KCNN1: variants seen among roughly 807,000 people sequenced by gnomAD.
The protein encoded by KCNN1 is potassium calcium-activated channel subfamily N member 1.
Under a neutral mutation model 44.7 loss-of-function variants are expected in KCNN1, and 20 were observed. The ratio of observed to expected loss-of-function variants is 0.45; its 90% confidence interval spans 0.32 to 0.65. The LOEUF (loss-of-function observed/expected upper bound fraction) is 0.65, where lower values mean the gene tolerates loss of function less well. Among genes scored for constraint, KCNN1 ranks in the 30% least tolerant of loss-of-function variants. The pLI is 0.05. For synonymous variants in KCNN1, 324 were observed against 341.7 expected, an observed-to-expected ratio of 0.95 and a Z score of 0.57; for missense variants, 632 against 785.3, an observed-to-expected ratio of 0.80 and a Z score of 2.33.
chr19:17,959,099 C>T (rs1030814178), intron 2 of KCNN1, among the ~76,000 whole-genome samples: 1 of 151,328 alleles, frequency 6.6e-6, no homozygotes, highest in Admixed American at 6.6e-5. Context: ...CTCACTACAA[C>T]CTCTGCTTCC....
upstream of KCNN1, among the ~76,000 whole-genome samples, chr19:17,964,013 T>C (rs2031742281): frequency 6.6e-6 from 1 of 152,188 alleles, no homozygotes; most frequent in Non-Finnish European, 1.5e-5. This position sits in a 1 kb window ranked among gnomAD's most constrained non-coding sequence, Gnocchi z 4.3. Flanking sequence ...CCCCCTCTTC[T>C]AGAAAGCCAG....
intron 5 of KCNN1, among the ~76,000 whole-genome samples, chr19:17,987,983 A>AACACAC (rs34814590): frequency 2.0e-5 from 3 of 148,010 alleles, no homozygotes; most frequent in African/African-American, 2.5e-5. Flanking sequence ...TTACTAAACA[A>AACACAC]ACACACACAC....
Position 17,998,222 on chromosome 19 carries a change from C to T in KCNN1, c.1448C>T (p.Ala483Val), listed in dbSNP as rs1163737498. The T allele has an allele frequency of 6.3e-6, 10 of 1,584,648 alleles. No individual in the cohort carries two copies. The highest frequency in any genetic ancestry group is 8.6e-6 in the Non-Finnish European group (10 of 1,167,006). The stretch of plus-strand genomic sequence containing the variant: ...CACGAGGAGCTGGAGGCCCGCCTGG[C>T]CACCCTGGAAAGCCGCTTGGATGCG... ...AQHEELEARL[A>V]TLESRLDALG... is the part of the protein sequence containing the mutation. Residue 483 changes from alanine (A) to valine (V), a missense_variant, in exon 10 of 10, where the codon GCC becomes GTC. Physicochemically the swap from Ala to Val is moderately conservative, Grantham distance 64. This residue lies in a region of KCNN1 where 237 missense variants were observed against 253.0 expected (regional missense o/e 0.94). Transcript: ENST00000684775. The surrounding 1 kb of genome is among the most constrained non-coding windows in gnomAD (Gnocchi z 5.4).
intron 1 of KCNN1, chr19:17,951,513 C>A (rs1417905849): frequency 1.3e-5 from 2 of 152,220 alleles, no homozygotes; most frequent in Non-Finnish European, 2.9e-5. Context: ...CCCTCCCATC[C>A]CCTACCGAGC....
rs2032167920 is a variant in KCNN1 at position 17,975,248 on chromosome 19, A to G, written c.498+61A>G. ...CTCAAACCCCAGATCCCCCCACACC[A>G]GCCCACCTTAGACCCCATCCCCTCA... On this transcript the variant is annotated intron_variant, in intron 3 of 9. Transcript: ENST00000684775. The G allele has an allele frequency of 5.8e-6, 7 of 1,214,574 alleles. No homozygotes were observed. In the South Asian group the frequency reaches 8.5e-5, roughly 15 times the overall value. The allele number at this position is 1,214,574 out of a possible 1,614,324, so 75.2% of individuals were successfully genotyped here.
At position 17,993,428 on chromosome 19, in the gene KCNN1, C is replaced by T. The variant is rs141588382; in HGVS notation, c.1308-62C>T. ...CCGGGTGGGTGCATGAAAGTCCCTG[C>T]CCCCACTGCAGCCTCCACGGGAACC... On this transcript the variant is annotated intron_variant, in intron 8 of 9. Coordinates refer to ENST00000684775, the MANE Select transcript of KCNN1 (RefSeq NM_001386974.1). This position sits in a 1 kb window ranked among gnomAD's most constrained non-coding sequence, Gnocchi z 4.5. The T allele has an allele frequency of 1.8e-3, 2,218 of 1,266,126 alleles. 17 individuals carry two copies. The African/African-American group carries it at 0.027, about 15-fold the overall frequency. The allele number at this position is 1,266,126 out of a possible 1,614,324, so 78.4% of individuals were successfully genotyped here. A position where few individuals can be genotyped will look rare whatever the true frequency, so the allele number is the denominator to read the frequency against.
chr19:17,985,263 G>C, intron 4 of KCNN1, 49 bp from the exon 5 acceptor site: 1 of 1,494,644 alleles, frequency 6.7e-7, no homozygotes, highest in Non-Finnish European at 9.0e-7. Context: ...TGGAGGCAAA[G>C]GGGATGGTAT....
rs2032873415 is a variant in KCNN1 at position 17,993,531 on chromosome 19, A to G, written c.1349A>G (p.Gln450Arg). 6.2e-7 allele frequency: 1 copy of G among 1,613,898 alleles called. No homozygotes were observed. Among genetic ancestry groups the G allele is most frequent in the Non-Finnish European group, 8.5e-7 (1 of 1,179,826 alleles). ...ATCGAGCAAGGGAAGCTGAACGACC[A>G]GGCTAACACGCTTACCGACCTAGCC... ...VKIEQGKLND[Q>R]ANTLTDLAKT... is the part of the protein sequence containing the mutation. The change falls in exon 9 of 10, where the codon CAG becomes CGG. Residue 450 changes from glutamine (Q) to arginine (R), a missense_variant. Around this residue, in one of 3 missense-constraint regions of KCNN1, gnomAD observed 237 missense variants for 253.0 expected, o/e 0.94. Transcript: ENST00000684775. This position sits in a 1 kb window ranked among gnomAD's most constrained non-coding sequence, Gnocchi z 4.5.
chr19:17,959,944 G>A (rs549322012), intron 2 of KCNN1, among the ~76,000 whole-genome samples: 95 of 151,984 alleles, frequency 6.3e-4, no homozygotes, highest in African/African-American at 2.0e-3. Flanking sequence ...TTAGCCGAGC[G>A]TGATGGTGGG....
At chr19:17,965,314 C>G (rs1323506470), upstream of KCNN1, among the ~76,000 whole-genome samples, 6 of 151,930 alleles carry the variant, frequency 3.9e-5, no homozygotes, top group East Asian at 1.2e-3. Context: ...GATGCTACAG[C>G]CTGTGCAAGC....
At chr19:17,970,937 G>T (rs2031999567) in intron 1 of KCNN1, among the ~76,000 whole-genome samples, 1 of 151,086 alleles carries the variant, frequency 6.6e-6, no homozygotes, top group Non-Finnish European at 1.5e-5. Context: ...AGGCTGGAGT[G>T]CAGTGGCGTG....
chr19:17,980,332 C>T (rs1196656837), intron 3 of KCNN1, among the ~76,000 whole-genome samples: 1 of 146,200 alleles, frequency 6.8e-6, no homozygotes, highest in East Asian at 2.0e-4. Context: ...AAGCAGTCCT[C>T]CTGCCTCCCA....
intron 1 of KCNN1, 30 bp from the exon 2 acceptor site, chr19:17,973,778 C>G: frequency 6.8e-7 from 1 of 1,477,656 alleles, no homozygotes; most frequent in Non-Finnish European, 8.9e-7. Context: ...CTGGACCCTG[C>G]TGTGACCATG....
At chr19:17,957,200 G>A (rs545786479) in intron 2 of KCNN1, among the ~76,000 whole-genome samples, 3 of 108,088 alleles carry the variant, frequency 2.8e-5, no homozygotes, top group East Asian at 3.3e-4. Flanking sequence ...GGAGGAGAGG[G>A]GAGGAGAGGA....
chr19:17,970,173 A>G (rs957732097), intron 1 of KCNN1, among the ~76,000 whole-genome samples: 3 of 151,360 alleles, frequency 2.0e-5, no homozygotes, highest in Non-Finnish European at 4.4e-5. Flanking sequence ...CAGGCCTTAC[A>G]AGCTGTGAGG....
At chr19:17,992,877 C>A (rs2032843947) in intron 7 of KCNN1, among the ~76,000 whole-genome samples, 177 bp from the exon 8 acceptor site, 1 of 152,218 alleles carries the variant, frequency 6.6e-6, no homozygotes, top group Non-Finnish European at 1.5e-5. Context: ...GGCACAGAAC[C>A]CTCAGAGGCT....
chr19:17,977,215 G>A (rs1044822852), intron 3 of KCNN1, among the ~76,000 whole-genome samples: 3 of 152,110 alleles, frequency 2.0e-5, no homozygotes, highest in Admixed American at 6.6e-5. Flanking sequence ...TAGGAGATGT[G>A]TCACTCCAAT....
At chr19:17,954,249 G>A (rs2031488004) in intron 1 of KCNN1, among the ~76,000 whole-genome samples, 1 of 152,132 alleles carries the variant, frequency 6.6e-6, no homozygotes, top group African/African-American at 2.4e-5. Context: ...CTCTGGCCAG[G>A]AGTTCAAGTC....
At chr19:17,955,911 T>C (rs1169645939) in intron 2 of KCNN1, among the ~76,000 whole-genome samples, 1 of 151,808 alleles carries the variant, frequency 6.6e-6, no homozygotes, top group African/African-American at 2.4e-5. Flanking sequence ...ACTTTTTTTT[T>C]TTAGTTTTGT....
Sources: allele counts gnomAD v4.1 joint callset (sites outside exome capture counted in the v4.1 genomes callset), GRCh38; gene constraint gnomAD v4.1.1; regional missense constraint gnomAD v4.1.1; non-coding constraint Gnocchi (gnomAD v3.1); transcripts MANE v1.5; gene names NCBI Gene and HGNC (gene_info 2026-07-23, HGNC 2026-07-21).